Variants in PREP observed in about 807,000 individuals in gnomAD.
The protein encoded by PREP is prolyl endopeptidase.
A neutral mutation model predicts 87.6 loss-of-function variants in PREP; 29 were observed. The ratio of observed to expected loss-of-function variants is 0.33; its 90% CI spans 0.25 to 0.45. The LOEUF is 0.45. PREP is among the 20% of genes least tolerant of loss of function. The probability of loss-of-function intolerance (pLI) is 1.00; values close to 1 mark genes in which losing one functional copy is unlikely to be tolerated. For missense variants in PREP, 695 were observed against 886.5 expected, an observed-to-expected ratio of 0.78 and a Z score of 2.74; for synonymous variants, 337 against 328.6, an observed-to-expected ratio of 1.03 and a Z score of -0.28.
In PREP at chr6:105,278,999, C is replaced by G. The variant is rs41285466; in HGVS notation, c.1839-561G>C. 0.081 allele frequency: 12,302 copies of G among 152,260 alleles called. 545 individuals carry two copies. Among genetic ancestry groups the G allele is most frequent in the Admixed American group, 0.12 (1,868 of 15,290 alleles). The allele number at this position is 152,260 out of a possible 1,614,324, so 9.4% of individuals were successfully genotyped here. A position where few individuals can be genotyped will look rare whatever the true frequency, so the allele number is the denominator to read the frequency against. On this transcript the variant is annotated intron_variant, in intron 14 of 14. Transcript: ENST00000652536. The surrounding 1 kb of genome is among the most constrained non-coding windows in gnomAD (Gnocchi z 4.2). Reference sequence around the variant, plus strand: ...CCTGGATGGGCTGTTGAGCCTCCTGCTGGCTCTCAGTCCGGCAGAAAGCAA... The same window carrying G: ...CCTGGATGGGCTGTTGAGCCTCCTGGTGGCTCTCAGTCCGGCAGAAAGCAA...
intron 4 of PREP, among the ~76,000 whole-genome samples, chr6:105,373,925 A>C (rs1425135423): frequency 2.6e-5 from 4 of 152,220 alleles, no homozygotes. Flanking sequence ...TTTCATTTAT[A>C]CTCTAAAGGG....
rs779582532 is a variant in PREP, at chr6:105,288,744, C to T, written c.1454+14G>A. On this transcript the variant is annotated intron_variant, in intron 11 of 14. Transcript: ENST00000652536. ...AGATAAAATACTGGCACTCTGAGTGCGTTCCGAGCTCACCTGTAGTTGGGT... is the reference window on the plus strand; with the variant it reads ...AGATAAAATACTGGCACTCTGAGTGTGTTCCGAGCTCACCTGTAGTTGGGT... 21 of 1,612,578 alleles carry T rather than the reference C, an allele frequency of 1.3e-5. No individual in the cohort carries two copies. The highest frequency in any genetic ancestry group is 1.2e-4 in the African/African-American group (9 of 74,780).
intron 2 of PREP, among the ~76,000 whole-genome samples, chr6:105,379,965 C>T (rs111964970): frequency 0.04 from 6,080 of 152,282 alleles, 159 homozygotes; most frequent in South Asian, 0.11. Context: ...GAACTGTTTG[C>T]TACCAGCCCA....
chr6:105,305,355 G>A (rs140745115), intron 10 of PREP, among the ~76,000 whole-genome samples: 366 of 152,254 alleles, frequency 2.4e-3, no homozygotes, highest in African/African-American at 8.2e-3. Flanking sequence ...AAATGGGACT[G>A]TATGAAGCTG....
chr6:105,327,066 G>C (rs1297032232), intron 9 of PREP, among the ~76,000 whole-genome samples: 1 of 152,106 alleles, frequency 6.6e-6, no homozygotes, highest in African/African-American at 2.4e-5. Flanking sequence ...CAGGCCTTTG[G>C]GGACTCCAGC....
intron 2 of PREP, among the ~76,000 whole-genome samples, chr6:105,386,075 G>C (rs1772987513): frequency 6.6e-6 from 1 of 152,156 alleles, no homozygotes; most frequent in Non-Finnish European, 1.5e-5. Flanking sequence ...AGCCGAGATA[G>C]CACCATTGCA....
intron 7 of PREP, among the ~76,000 whole-genome samples, chr6:105,339,479 C>T (rs1771576217): frequency 6.6e-6 from 1 of 152,216 alleles, no homozygotes; most frequent in African/African-American, 2.4e-5. Flanking sequence ...CTCCTCTTCT[C>T]CTCCAAAGGT....
At chr6:105,341,176 T>A (rs1395254181) in intron 7 of PREP, among the ~76,000 whole-genome samples, 1 of 152,202 alleles carries the variant, frequency 6.6e-6, no homozygotes, top group Admixed American at 6.5e-5. Flanking sequence ...ACAGAAATTA[T>A]AACAAACGGT....
intron 10 of PREP, among the ~76,000 whole-genome samples, chr6:105,310,345 A>G (rs1770734769): frequency 6.6e-6 from 1 of 152,234 alleles, no homozygotes; most frequent in Non-Finnish European, 1.5e-5. Context: ...ACACCCATCC[A>G]TAAAGAAACC....
intron 10 of PREP, among the ~76,000 whole-genome samples, chr6:105,313,144 A>T (rs904881930): frequency 1.3e-5 from 2 of 152,148 alleles, no homozygotes; most frequent in Admixed American, 1.3e-4. Context: ...AAATCAAAAG[A>T]CTACACTTGT....
chr6:105,290,206 A>G (rs1770273113), intron 10 of PREP, among the ~76,000 whole-genome samples: 1 of 152,188 alleles, frequency 6.6e-6, no homozygotes, highest in African/African-American at 2.4e-5. Context: ...AGTGCCAGTT[A>G]GCAGCCACCA....
intron 11 of PREP, 92 bp downstream of exon 11, chr6:105,288,666 T>G (rs1770238338): frequency 2.5e-5 from 37 of 1,503,358 alleles, no homozygotes; most frequent in Non-Finnish European, 3.3e-5. Flanking sequence ...CAGTAATGTA[T>G]TTTAGAAAGT....
At chr6:105,349,048 TTATA>T (rs1771874860) in intron 7 of PREP, among the ~76,000 whole-genome samples, 2 of 151,930 alleles carry the variant, frequency 1.3e-5, no homozygotes, top group Admixed American at 1.3e-4. Flanking sequence ...TGAAAAATTA[TTATA>T]TATAAGCTTC....
At chr6:105,319,219 C>T (rs904549485) in intron 10 of PREP, among the ~76,000 whole-genome samples, 2 of 152,154 alleles carry the variant, frequency 1.3e-5, no homozygotes, top group African/African-American at 4.8e-5. Context: ...AAGAGAACAA[C>T]AGTAAAGATA....
At chr6:105,338,183 T>C (rs1261861330) in intron 7 of PREP, among the ~76,000 whole-genome samples, 1 of 152,230 alleles carries the variant, frequency 6.6e-6, no homozygotes, top group Non-Finnish European at 1.5e-5. Flanking sequence ...TCCTTAAATG[T>C]TCCCCCAACA....
intron 2 of PREP, among the ~76,000 whole-genome samples, chr6:105,390,080 C>A (rs993199823): frequency 6.6e-6 from 1 of 152,136 alleles, no homozygotes; most frequent in Non-Finnish European, 1.5e-5. Flanking sequence ...AGGTTTAAAT[C>A]TTTCCTGCCA....
At chr6:105,300,189 G>A (rs1399980142) in intron 10 of PREP, among the ~76,000 whole-genome samples, 2 of 152,100 alleles carry the variant, frequency 1.3e-5, no homozygotes, top group African/African-American at 2.4e-5. Context: ...GAGCCACCGC[G>A]CCCAGACTGT....
intron 8 of PREP, among the ~76,000 whole-genome samples, chr6:105,331,728 T>G (rs1055409346): frequency 2.0e-5 from 3 of 152,268 alleles, no homozygotes; most frequent in Non-Finnish European, 1.5e-5. Flanking sequence ...ACAAAGATAC[T>G]GAAATAAATG....
intron 6 of PREP, among the ~76,000 whole-genome samples, chr6:105,357,286 T>C (rs879941650): frequency 3.3e-5 from 5 of 152,238 alleles, no homozygotes; most frequent in African/African-American, 4.8e-5. Flanking sequence ...GCTAATTCAG[T>C]TGTAGTGATT....
Sources: gnomAD v4.1 joint callset for allele counts (sites outside exome capture counted in the v4.1 genomes callset) on GRCh38, gnomAD v4.1.1 for gene constraint, Gnocchi (gnomAD v3.1) non-coding constraint, MANE v1.5 for transcripts, NCBI Gene and HGNC (gene_info 2026-07-23, HGNC 2026-07-21) for gene names.